The following FKBP5 variants were observed in gnomAD, a reference collection of about 807,000 sequenced individuals.
FKBP5 encodes the protein peptidyl-prolyl cis-trans isomerase FKBP5.
Under a neutral mutation model 50.5 loss-of-function variants are expected in FKBP5, and 23 were observed. That is an observed-to-expected ratio of 0.46 (90% CI 0.33 to 0.65). The LOEUF is 0.65. Ranked by LOEUF, FKBP5 falls within the 30% of genes least tolerant of loss-of-function variation. The pLI, the probability that FKBP5 is intolerant of heterozygous loss-of-function variation, is 0.02. For missense variants in FKBP5, 411 were observed against 553.1 expected (o/e 0.74, Z 2.58); for synonymous variants, 176 against 190.6 (o/e 0.92, Z 0.63).
chr6:35,686,928 T>C (rs1020134378), intron 1 of FKBP5, among the ~76,000 whole-genome samples: 19 of 152,186 alleles, frequency 1.2e-4, no homozygotes, highest in African/African-American at 4.3e-4. Context: ...AAAGACCTCA[T>C]AGCTTGTTAT....
chr6:35,688,946 G>C (rs961662225), upstream of FKBP5: 1 of 151,078 alleles, frequency 6.6e-6, no homozygotes, highest in South Asian at 2.1e-4. Flanking sequence ...CCGAATCCCC[G>C]GGGCAGCGCC....
intron 1 of FKBP5, among the ~76,000 whole-genome samples, chr6:35,682,895 C>T (rs1365610644): frequency 1.7e-5 from 2 of 114,468 alleles, no homozygotes; most frequent in Non-Finnish European, 3.6e-5. Flanking sequence ...GAGCAAGAAA[C>T]AATCTCTTTT....
intron 7 of FKBP5, among the ~76,000 whole-genome samples, chr6:35,589,282 C>T (rs1219495065): frequency 1.3e-5 from 2 of 151,408 alleles, no homozygotes; most frequent in African/African-American, 4.9e-5. Context: ...GCACCTGCCA[C>T]CACGTCCAGC....
intron 5 of FKBP5, among the ~76,000 whole-genome samples, chr6:35,602,437 CATT>C (rs992288772): frequency 2.6e-5 from 4 of 151,904 alleles, no homozygotes; most frequent in African/African-American, 9.7e-5. Flanking sequence ...GTTGTAATGG[CATT>C]ACTACTCGAC....
chr6:35,578,070 A>G (rs1021978363), intron 9 of FKBP5, among the ~76,000 whole-genome samples: 74 of 152,134 alleles, frequency 4.9e-4, no homozygotes, highest in African/African-American at 1.5e-3. Flanking sequence ...AAAAAAAAAA[A>G]AAAAAGTTCT....
At chr6:35,593,248 A>G (rs1762875739) in intron 6 of FKBP5, among the ~76,000 whole-genome samples, 1 of 152,216 alleles carries the variant, frequency 6.6e-6, no homozygotes, top group Non-Finnish European at 1.5e-5. Flanking sequence ...GATAATCTAG[A>G]CTATGGTAAC....
chr6:35,580,095 G>A lies in FKBP5; in HGVS notation c.967C>T (p.Leu323=), dbSNP rs144615496. 2 of 1,614,000 alleles carry A rather than the reference G, an allele frequency of 1.2e-6. No individual in the cohort carries two copies. The highest frequency in any genetic ancestry group is 1.3e-5 in the African/African-American group (1 of 74,900). Residue 323 remains leucine (L), a synonymous_variant, in exon 9 of 11, where the codon CTG becomes TTG. Transcript: ENST00000357266. The stretch of plus-strand genomic sequence containing the variant: ...CTAAGCTTCAGGTAGCACATGGCCA[G>A]GTTCAGAAAGGCAGCAAGGAGAAAT... The part of the protein sequence containing the change: ...ESFLLAAFLN[L]AMCYLKLREY...
intron 8 of FKBP5, chr6:35,586,604 TACAAAAAAAAAAAAA>T: frequency 1.0e-6 from 1 of 957,534 alleles, no homozygotes; most frequent in Middle Eastern, 5.4e-4. Flanking sequence ...CTGTCTCTCA[TACAAAAAAAAAAAAA>T]GGAAGAAAGA....
chr6:35,689,909 C>A (rs571307747), upstream of FKBP5, among the ~76,000 whole-genome samples: 29 of 152,278 alleles, frequency 1.9e-4, no homozygotes, highest in Admixed American at 1.7e-3. Context: ...CAGATGGCTA[C>A]CTCTGAGTTA....
At chr6:35,722,199 CT>C (rs1229505053) in intron 1 of FKBP5, among the ~76,000 whole-genome samples, 4 of 152,060 alleles carry the variant, frequency 2.6e-5, no homozygotes, top group Non-Finnish European at 5.9e-5. Flanking sequence ...GGCCTGTCCC[CT>C]TCCCAACTGC....
intron 1 of FKBP5, among the ~76,000 whole-genome samples, chr6:35,677,328 C>T (rs1331488055): frequency 6.6e-6 from 1 of 152,196 alleles, no homozygotes; most frequent in East Asian, 1.9e-4. Context: ...CCGCCTCGGC[C>T]TCCCAAAGTG....
At chr6:35,719,440 A>C (rs1055335140) in intron 2 of FKBP5, among the ~76,000 whole-genome samples, 2 of 152,236 alleles carry the variant, frequency 1.3e-5, no homozygotes, top group African/African-American at 4.8e-5. Context: ...TGTACACTTA[A>C]GATCTGTGCA....
In FKBP5 at chr6:35,586,785, A is replaced by C; in HGVS notation, c.840+249T>G. Reference sequence around the variant, plus strand: ...ATACTGTGGTGGGTGGGGATGCCAGACCTGGTCTGCCTGTATGGAAGGTTA... The same window carrying C: ...ATACTGTGGTGGGTGGGGATGCCAGCCCTGGTCTGCCTGTATGGAAGGTTA... On this transcript the variant is annotated intron_variant, in intron 8 of 10. Coordinates refer to ENST00000357266, the MANE Select transcript of FKBP5 (RefSeq NM_004117.4). 2.2e-6 allele frequency: 3 copies of C among 1,382,968 alleles called. No homozygotes were observed. The East Asian group carries it at 7.8e-5, about 36-fold the overall frequency. 85.7% of individuals were successfully genotyped at this position (1,382,968 alleles called of 1,614,324 possible). A position where few individuals can be genotyped will look rare whatever the true frequency, so the allele number is the denominator to read the frequency against.
At chr6:35,582,247 A>T in intron 8 of FKBP5, 1 of 985,432 alleles carries the variant, frequency 1.0e-6, no homozygotes, top group Non-Finnish European at 1.2e-6. Flanking sequence ...TAAGAACACG[A>T]AACCAGGGCA....
At chr6:35,719,695 T>G (rs1766574220) in intron 2 of FKBP5, among the ~76,000 whole-genome samples, 1 of 152,158 alleles carries the variant, frequency 6.6e-6, no homozygotes, top group Non-Finnish European at 1.5e-5. Context: ...CCAGACACCA[T>G]GTGCCTCTTG....
intron 2 of FKBP5, among the ~76,000 whole-genome samples, chr6:35,700,951 T>G (rs928427382): frequency 4.0e-5 from 6 of 151,772 alleles, no homozygotes; most frequent in African/African-American, 1.5e-4. Context: ...AGACCAAGAC[T>G]CCATCTAAAA....
At chr6:35,597,079 A>G (rs184191780) in intron 6 of FKBP5, among the ~76,000 whole-genome samples, 169 bp downstream of exon 6, 1 of 152,290 alleles carries the variant, frequency 6.6e-6, no homozygotes, top group Admixed American at 6.5e-5. Flanking sequence ...ACAAACCTCT[A>G]TGATATTGTA....
intron 1 of FKBP5, among the ~76,000 whole-genome samples, chr6:35,665,479 T>G (rs910305856): frequency 1.3e-5 from 2 of 151,698 alleles, no homozygotes; most frequent in African/African-American, 2.4e-5. Context: ...TTAGTAGAGA[T>G]AGGGTTTCAC....
At chr6:35,636,555 T>G (rs2150986400) in intron 3 of FKBP5, among the ~76,000 whole-genome samples, 1 of 152,312 alleles carries the variant, frequency 6.6e-6, no homozygotes, top group South Asian at 2.1e-4. Flanking sequence ...TCACAGAATA[T>G]CAAAGTGATG....
Sources: allele counts gnomAD v4.1 joint callset (sites outside exome capture counted in the v4.1 genomes callset), GRCh38; gene constraint gnomAD v4.1.1; transcripts MANE v1.5; gene names NCBI Gene and HGNC (gene_info 2026-07-23, HGNC 2026-07-21).